Variants in SNAP47 observed in about 807,000 individuals in gnomAD.
SNAP47 encodes the protein synaptosomal-associated protein 47.
In SNAP47, 20 loss-of-function variants were observed where a neutral mutation model predicts 31.4. The observed-to-expected ratio is 0.64, with a 90% confidence interval of 0.45 to 0.93. The LOEUF is 0.93. Among genes scored for constraint, SNAP47 ranks in the 40% least tolerant of loss-of-function variants. SNAP47 has a pLI of 0.00. For missense variants in SNAP47, 492 were observed against 528.5 expected, an observed-to-expected ratio of 0.93 and a Z score of 0.68; for synonymous variants, 194 against 213.4, an observed-to-expected ratio of 0.91 and a Z score of 0.79.
intron 1 of SNAP47, among the ~76,000 whole-genome samples, chr1:227,744,638 G>A (rs965499940): frequency 1.1e-4 from 17 of 151,038 alleles, no homozygotes; most frequent in African/African-American, 4.1e-4. Context: ...GTTGTCTATG[G>A]CCAGCTCTGT....
intron 1 of SNAP47, among the ~76,000 whole-genome samples, chr1:227,737,429 GT>G (rs1661296418): frequency 1.3e-5 from 2 of 152,164 alleles, no homozygotes; most frequent in South Asian, 4.1e-4. Flanking sequence ...AGGTTTGGAG[GT>G]CTGATGACAT....
upstream of SNAP47, among the ~76,000 whole-genome samples, chr1:227,728,355 G>C (rs1195686725): frequency 1.3e-5 from 2 of 152,104 alleles, no homozygotes; most frequent in East Asian, 1.9e-4. Context: ...GAGCGGGGGG[G>C]GCGGGCCCCG....
chr1:227,730,013 G>A (rs1481030205), upstream of SNAP47, among the ~76,000 whole-genome samples: 1 of 152,240 alleles, frequency 6.6e-6, no homozygotes, highest in Non-Finnish European at 1.5e-5. Context: ...ACACTTGCAA[G>A]TATATCCATC....
intron 2 of SNAP47, among the ~76,000 whole-genome samples, chr1:227,751,232 G>A (rs116283487): frequency 2.0e-5 from 3 of 152,124 alleles, no homozygotes; most frequent in Non-Finnish European, 2.9e-5. Context: ...CACCTGCGTC[G>A]GCCTGCACCG....
intron 1 of SNAP47, among the ~76,000 whole-genome samples, chr1:227,740,908 TGTG>T (rs1285109174): frequency 1.0e-3 from 153 of 149,126 alleles, no homozygotes; most frequent in African/African-American, 3.5e-3. Flanking sequence ...AAGGAGGGGC[TGTG>T]AAGTTGGGGT....
intron 2 of SNAP47, among the ~76,000 whole-genome samples, chr1:227,749,253 A>G (rs1662184584): frequency 6.6e-6 from 1 of 151,586 alleles, no homozygotes; most frequent in Admixed American, 6.6e-5. Flanking sequence ...GGTATCACCC[A>G]TGGGCTGTTT....
chr1:227,778,952 C>T (rs1002237698), intron 4 of SNAP47, among the ~76,000 whole-genome samples: 4 of 152,186 alleles, frequency 2.6e-5, no homozygotes, highest in African/African-American at 7.2e-5. Context: ...AATATCTCAG[C>T]AGGAAGGCCA....
Position 227,763,109 on chromosome 1 carries a change from A to T in SNAP47, c.988+3624A>T, listed in dbSNP as rs1572031493. On this transcript the variant is annotated intron_variant, in intron 3 of 4. Coordinates refer to ENST00000617596, the MANE Select transcript of SNAP47 (RefSeq NM_053052.4). This position sits in a 1 kb window ranked among gnomAD's most constrained non-coding sequence, Gnocchi z 4.2. ...GTAGCTGGGACTATAGGCACATATC[A>T]CCATGCCCAGCTAATTTTTTTTTTT... Among the ~76,000 whole-genome samples, 1 of 150,470 alleles carries T rather than the reference A, an allele frequency of 6.6e-6. No homozygotes were observed. Among genetic ancestry groups the T allele is most frequent in the Non-Finnish European group, 1.5e-5 (1 of 67,726 alleles).
intron 4 of SNAP47, among the ~76,000 whole-genome samples, chr1:227,777,345 T>C (rs1300356929): frequency 6.6e-6 from 1 of 152,170 alleles, no homozygotes; most frequent in Non-Finnish European, 1.5e-5. Flanking sequence ...CCTGGGTCTG[T>C]TGGAGATGAC....
At chr1:227,749,775 A>T (rs1160119742) in intron 2 of SNAP47, among the ~76,000 whole-genome samples, 1 of 123,852 alleles carries the variant, frequency 8.1e-6, no homozygotes, top group African/African-American at 3.0e-5. Flanking sequence ...TGTCGTCTGT[A>T]TGTGTATGTG....
intron 1 of SNAP47, chr1:227,736,555 C>T (rs1002751462): frequency 1.1e-3 from 145 of 128,452 alleles, no homozygotes; most frequent in African/African-American, 4.1e-3. Context: ...TATGCAGTGG[C>T]ACCATCACAG....
chr1:227,739,435 C>G (rs1661446459), intron 1 of SNAP47, among the ~76,000 whole-genome samples: 1 of 152,150 alleles, frequency 6.6e-6, no homozygotes, highest in African/African-American at 2.4e-5. Context: ...GGTGTCTGCA[C>G]TTTGTGGCTA....
At chr1:227,737,958 G>C (rs1661333855) in intron 1 of SNAP47, among the ~76,000 whole-genome samples, 1 of 152,262 alleles carries the variant, frequency 6.6e-6, no homozygotes, top group African/African-American at 2.4e-5. Flanking sequence ...TGCAGAGAAA[G>C]AATCACCTCC....
rs114336494 is a variant in SNAP47 at position 227,751,023 on chromosome 1, C to T, written c.497+2790C>T. Among the ~76,000 whole-genome samples the T allele has an allele frequency of 4.0e-3, 615 of 152,266 alleles. 7 individuals are homozygous for T. The highest frequency in any genetic ancestry group is 0.014 in the African/African-American group (584 of 41,570). On this transcript the variant is annotated intron_variant, in intron 2 of 4. Transcript: ENST00000617596. ...AATGAGCCGGGCACCAAGCGATGGG[C>T]CTGTCCCTTCTTCTGGAAATGTAGT...
At chr1:227,730,434 T>G (rs1167381078), upstream of SNAP47, 1 of 152,024 alleles carries the variant, frequency 6.6e-6, no homozygotes, top group Non-Finnish European at 1.5e-5. Flanking sequence ...ATTTTTTTTT[T>G]TTTTGCCAAT....
intron 4 of SNAP47, among the ~76,000 whole-genome samples, chr1:227,769,099 G>A (rs1212451195): frequency 6.6e-6 from 1 of 152,234 alleles, no homozygotes; most frequent in East Asian, 1.9e-4. Context: ...GTGGTCAGGT[G>A]ACTGCACGGA....
intron 4 of SNAP47, among the ~76,000 whole-genome samples, chr1:227,767,537 T>A (rs748436196): frequency 5.3e-5 from 8 of 152,310 alleles, no homozygotes; most frequent in African/African-American, 1.9e-4. Flanking sequence ...GTGTGTGTAC[T>A]TGTGAGTACA....
upstream of SNAP47, chr1:227,732,325 T>C: frequency 6.4e-7 from 1 of 1,571,024 alleles, no homozygotes; most frequent in Non-Finnish European, 8.7e-7. Context: ...CGGTCTTTAT[T>C]TCTGGAAGGG....
chr1:227,774,594 G>A (rs959552047), intron 4 of SNAP47, among the ~76,000 whole-genome samples: 2 of 151,788 alleles, frequency 1.3e-5, no homozygotes, highest in South Asian at 2.1e-4. Context: ...GCCGCAGCGC[G>A]CAGGGCAGAG....
Sources: gnomAD v4.1 joint callset for allele counts (sites outside exome capture counted in the v4.1 genomes callset) on GRCh38, gnomAD v4.1.1 for gene constraint, Gnocchi (gnomAD v3.1) non-coding constraint, MANE v1.5 for transcripts, NCBI Gene and HGNC (gene_info 2026-07-23, HGNC 2026-07-21) for gene names.